Variants in SUGT1 observed in about 807,000 individuals in gnomAD.
SUGT1 encodes protein SGT1 homolog.
SUGT1 carries 15 observed loss-of-function variants against 56.1 expected under a neutral mutation model. The observed-to-expected ratio is 0.27, with a 90% confidence interval of 0.18 to 0.41. The LOEUF is 0.41. Ranked by LOEUF, SUGT1 falls within the 10% of genes least tolerant of loss-of-function variation. The pLI is 1.00. For synonymous variants in SUGT1, 123 were observed against 128.6 expected (o/e 0.96, Z 0.30); for missense variants, 347 against 382.2 (o/e 0.91, Z 0.77).
In SUGT1 at chr13:52,680,043, A is replaced by C; in HGVS notation, c.788A>C (p.Lys263Thr). ...TGGGATAAATTGGTTGGTGAGATCA[A>C]AGAAGAAGAAAAGAATGAAAAGTTG... The part of the protein sequence containing the change: ...RNWDKLVGEI[K>T]EEEKNEKLEG... The change falls in exon 12 of 13, where the codon AAA (lysine) becomes ACA (threonine). Residue 263 changes from lysine (K) to threonine (T), a missense_variant. Coordinates refer to ENST00000310528, the MANE Select transcript of SUGT1 (RefSeq NM_006704.5). 6.2e-7 allele frequency: 1 copy of C among 1,602,980 alleles called. No homozygotes were observed. Among genetic ancestry groups the C allele is most frequent in the Non-Finnish European group, 8.5e-7 (1 of 1,177,154 alleles).
chr13:52,668,271 C>T (rs1962798345), intron 10 of SUGT1, among the ~76,000 whole-genome samples: 1 of 152,140 alleles, frequency 6.6e-6, no homozygotes, highest in African/African-American at 2.4e-5. Flanking sequence ...TGAGCCACTG[C>T]ACCTGGCCTA....
At chr13:52,687,648 G>A in intron 12 of SUGT1, 86 bp from the exon 13 acceptor site, 1 of 958,462 alleles carries the variant, frequency 1.0e-6, no homozygotes, top group Non-Finnish European at 1.5e-6. Flanking sequence ...CAATATTTGG[G>A]GCTCTATGCT....
chr13:52,652,849 C>G lies in SUGT1; in HGVS notation c.-72C>G. 6.4e-7 allele frequency: 1 copy of G among 1,572,138 alleles called. No individual in the cohort carries two copies. Among genetic ancestry groups the G allele is most frequent in the Non-Finnish European group, 8.6e-7 (1 of 1,157,466 alleles). The stretch of plus-strand genomic sequence containing the variant: ...CGGTTGGTGTTTCTCCAGAAGTTTC[C>G]CCCTTGGGCGGTGGTGGAGGTGGTA... On this transcript the variant is annotated 5_prime_UTR_variant, in exon 1 of 13. Transcript: ENST00000310528.
chr13:52,680,627 A>T (rs532985212), intron 12 of SUGT1, among the ~76,000 whole-genome samples: 1 of 152,212 alleles, frequency 6.6e-6, no homozygotes, highest in African/African-American at 2.4e-5. Flanking sequence ...TTAGACCTCA[A>T]AATTTTAGTA....
rs542270252 is a variant in SUGT1, at chr13:52,693,349, T to C, written c.*5514T>C. ...TAGAAGGAGTTAGGAAAATGGTCCT[T>C]AATACCTATATAGGGTTTTTTAAAA... On this transcript the variant is annotated 3_prime_UTR_variant, in exon 13 of 13. Coordinates refer to ENST00000310528, the MANE Select transcript of SUGT1 (RefSeq NM_006704.5). The C allele has an allele frequency of 6.6e-6, 1 of 152,342 alleles. No individual in the cohort carries two copies. The highest frequency in any genetic ancestry group is 2.1e-4 in the South Asian group (1 of 4,832). 9.4% of individuals were successfully genotyped at this position (152,342 alleles called of 1,614,324 possible).
chr13:52,677,721 CTTGTTGCATACTGCTTGTTGTT>C (rs1963206211), intron 11 of SUGT1, among the ~76,000 whole-genome samples: 12 of 151,884 alleles, frequency 7.9e-5, no homozygotes, highest in Non-Finnish European at 2.9e-5. Context: ...CCGTTGTCTA[CTTGTTGCATACTGCTTGTTGTT>C]GCATTTTCTA....
At chr13:52,684,133 T>G (rs900205659) in intron 12 of SUGT1, among the ~76,000 whole-genome samples, 1 of 152,112 alleles carries the variant, frequency 6.6e-6, no homozygotes, top group African/African-American at 2.4e-5. Flanking sequence ...ACTCCTGAGC[T>G]CAAGCGATCC....
intron 2 of SUGT1, among the ~76,000 whole-genome samples, chr13:52,656,268 CT>C (rs972529486): frequency 2.6e-5 from 4 of 152,212 alleles, no homozygotes; most frequent in Non-Finnish European, 4.4e-5. Flanking sequence ...GCCCAACACC[CT>C]GGAGTCATCT....
intron 11 of SUGT1, among the ~76,000 whole-genome samples, chr13:52,677,266 C>T (rs981833757): frequency 1.3e-5 from 2 of 152,112 alleles, no homozygotes; most frequent in African/African-American, 4.8e-5. Context: ...AAGAGATTCT[C>T]ATATAGCTTT....
intron 9 of SUGT1, 63 bp downstream of exon 9, chr13:52,665,796 G>C: frequency 9.3e-7 from 1 of 1,076,614 alleles, no homozygotes; most frequent in Non-Finnish European, 1.4e-6. Context: ...GTATATTGCA[G>C]AATAATCGAT....
In SUGT1 at chr13:52,695,886, G is replaced by A. The variant is rs1461481441; in HGVS notation, c.*8051G>A. 1 of 152,124 alleles carries A rather than the reference G, an allele frequency of 6.6e-6. No individual in the cohort carries two copies. The highest frequency in any genetic ancestry group is 1.5e-5 in the Non-Finnish European group (1 of 68,012). 9.4% of individuals were successfully genotyped at this position (152,124 alleles called of 1,614,324 possible). On this transcript the variant is annotated 3_prime_UTR_variant, in exon 13 of 13. Coordinates refer to ENST00000310528, the MANE Select transcript of SUGT1 (RefSeq NM_006704.5). Reference sequence around the variant, plus strand: ...GGCATCTCCAGTTTCCTACTGATGTGTCAAAACTGAGTTTGTATGCTACCT... The same window carrying A: ...GGCATCTCCAGTTTCCTACTGATGTATCAAAACTGAGTTTGTATGCTACCT...
At chr13:52,655,072 G>A (rs774390298) in intron 2 of SUGT1, among the ~76,000 whole-genome samples, 13 of 152,222 alleles carry the variant, frequency 8.5e-5, no homozygotes, top group Non-Finnish European at 1.9e-4. Flanking sequence ...GCAGCCGGGC[G>A]CGGTGGCTCA....
chr13:52,697,790 T>C lies in SUGT1; in HGVS notation c.*9955T>C, dbSNP rs1158937856. On this transcript the variant is annotated 3_prime_UTR_variant, in exon 13 of 13. Coordinates refer to ENST00000310528, the MANE Select transcript of SUGT1 (RefSeq NM_006704.5). The stretch of plus-strand genomic sequence containing the variant: ...TTCATGACATCCACTCATTCATTTA[T>C]GCACTTAGCAAATATTCATTGATTG... The C allele has an allele frequency of 6.6e-6, 1 of 152,204 alleles. No homozygotes were observed. Among genetic ancestry groups the C allele is most frequent in the Non-Finnish European group, 1.5e-5 (1 of 68,040 alleles). 9.4% of individuals were successfully genotyped at this position (152,204 alleles called of 1,614,324 possible).
chr13:52,655,111 C>T (rs562253695), intron 2 of SUGT1, among the ~76,000 whole-genome samples: 122 of 152,266 alleles, frequency 8.0e-4, no homozygotes, highest in South Asian at 1.9e-3. Context: ...TCTGGGAGGC[C>T]GAGGCAGGCG....
At chr13:52,653,198 A>G (rs1028839236) in intron 2 of SUGT1, 95 bp downstream of exon 2, 5 of 1,466,246 alleles carry the variant, frequency 3.4e-6, no homozygotes, top group East Asian at 4.5e-5. Flanking sequence ...ACCGCCGGAC[A>G]GGGACCCAGG....
At chr13:52,659,120 A>G (rs1300017483) in intron 4 of SUGT1, 59 bp from the exon 5 acceptor site, 15 of 1,356,840 alleles carry the variant, frequency 1.1e-5, no homozygotes, top group Non-Finnish European at 1.5e-5. Flanking sequence ...TTTATTTAGA[A>G]AGAAGGTATT....
chr13:52,698,603 T>TG lies in SUGT1; in HGVS notation c.*10768_*10769insG, dbSNP rs1964001106. On this transcript the variant is annotated 3_prime_UTR_variant, in exon 13 of 13. Coordinates refer to ENST00000310528, the MANE Select transcript of SUGT1 (RefSeq NM_006704.5). ...CACTACTAGTGCACTAAGCTAATTTTTAAATTTTTTTTGTAGAGACAGGGT... is the reference window on the plus strand; with the variant it reads ...CACTACTAGTGCACTAAGCTAATTTTGTAAATTTTTTTTGTAGAGACAGGGT... 1 of 130,826 alleles carries TG rather than the reference T, an allele frequency of 7.6e-6. No homozygotes were observed. The highest frequency in any genetic ancestry group is 1.8e-5 in the Non-Finnish European group (1 of 56,238). The allele number at this position is 130,826 out of a possible 1,614,324, so 8.1% of individuals were successfully genotyped here. A position where few individuals can be genotyped will look rare whatever the true frequency, so the allele number is the denominator to read the frequency against.
chr13:52,673,484 T>C (rs1252607102), intron 10 of SUGT1, among the ~76,000 whole-genome samples: 1 of 152,230 alleles, frequency 6.6e-6, no homozygotes, highest in Non-Finnish European at 1.5e-5. Context: ...GGATTAAGTA[T>C]AATTTCAAGT....
chr13:52,666,156 G>T (rs960111030), intron 9 of SUGT1, among the ~76,000 whole-genome samples: 6 of 152,196 alleles, frequency 3.9e-5, no homozygotes, highest in Admixed American at 3.9e-4. Flanking sequence ...CGCAATTTCG[G>T]CTCACTGCAG....
Sources: allele counts gnomAD v4.1 joint callset (sites outside exome capture counted in the v4.1 genomes callset), GRCh38; gene constraint gnomAD v4.1.1; transcripts MANE v1.5; gene names NCBI Gene and HGNC (gene_info 2026-07-23, HGNC 2026-07-21).